GSE1: variants seen among roughly 807,000 people sequenced by gnomAD.
GSE1 encodes Gse1 coiled-coil protein.
In GSE1, 32 loss-of-function variants were observed where a neutral mutation model predicts 112.6. That is an observed-to-expected ratio of 0.28 (90% confidence interval 0.21 to 0.38). The LOEUF is 0.38. GSE1 is among the 10% of genes least tolerant of loss of function. The pLI, the probability that GSE1 is intolerant of heterozygous loss-of-function variation, is 1.00. For missense variants in GSE1, 2,348 were observed against 1,699.2 expected, an observed-to-expected ratio of 1.38 and a Z score of -6.71; for synonymous variants, 1,115 against 735.6, an observed-to-expected ratio of 1.52 and a Z score of -8.35.
intron 9 of GSE1, 28 bp downstream of exon 9, chr16:85,661,793 C>A: frequency 6.8e-7 from 1 of 1,474,638 alleles, no homozygotes; most frequent in Non-Finnish European, 9.0e-7. Flanking sequence ...CCCCGAGCTG[C>A]TCAGGGAGAG....
chr16:85,489,742 C>G (rs1213114273), intron 2 of GSE1: 2 of 152,326 alleles, frequency 1.3e-5, no homozygotes, highest in Non-Finnish European at 2.9e-5. Flanking sequence ...CTGCCCAGAA[C>G]CTCAGAACGT....
rs11642039 is a variant in GSE1 at position 85,337,818 on chromosome 16, C to T, written c.2284-19645C>T. Among the ~76,000 whole-genome samples the T allele has an allele frequency of 6.5e-3, 985 of 152,380 alleles. 5 individuals carry two copies. The highest frequency in any genetic ancestry group is 0.02 in the Middle Eastern group (6 of 294). ...GCGTCTGAAATGGAAGCGTCAGCCTCTGCAGTTTTCACTGCATGCGGCGCC... is the reference window on the plus strand; with the variant it reads ...GCGTCTGAAATGGAAGCGTCAGCCTTTGCAGTTTTCACTGCATGCGGCGCC... On this transcript the variant is annotated intron_variant, in intron 1 of 2. Coordinates refer to the GSE1 transcript ENST00000637419.
intron 1 of GSE1, among the ~76,000 whole-genome samples, chr16:85,305,476 T>G (rs111613587): frequency 0.8 from 121,761 of 151,540 alleles, 49,039 homozygotes; most frequent in South Asian, 0.93. Context: ...GTTTTTTTTT[T>G]TTTGTTTGTT....
At chr16:85,362,148 C>T (rs958367277) in intron 2 of GSE1, among the ~76,000 whole-genome samples, 14 of 152,234 alleles carry the variant, frequency 9.2e-5, no homozygotes, top group East Asian at 3.9e-4. Flanking sequence ...AAGGCCCAAA[C>T]GGACTGACCA....
chr16:85,481,568 T>A (rs1269879056), intron 2 of GSE1, among the ~76,000 whole-genome samples: 4 of 152,208 alleles, frequency 2.6e-5, no homozygotes, highest in Non-Finnish European at 4.4e-5. Flanking sequence ...TTGGCTGGAA[T>A]CTTCTGTCCT....
intron 1 of GSE1, among the ~76,000 whole-genome samples, chr16:85,337,357 G>C (rs1329909237): frequency 6.7e-6 from 1 of 148,624 alleles, no homozygotes; most frequent in Non-Finnish European, 1.5e-5. Context: ...CCAGGCTGGA[G>C]TGCAGTGGCG....
At chr16:85,525,413 TG>T (rs1443308301) in intron 2 of GSE1, among the ~76,000 whole-genome samples, 2 of 152,200 alleles carry the variant, frequency 1.3e-5, no homozygotes, top group African/African-American at 4.8e-5. Context: ...TCCCCAGCGT[TG>T]GGGAAATCCA....
intron 13 of GSE1, 47 bp downstream of exon 13, chr16:85,666,394 C>G (rs1567761669): frequency 6.2e-7 from 1 of 1,607,054 alleles, no homozygotes; most frequent in Non-Finnish European, 8.5e-7. Context: ...GTGGTTGAGG[C>G]TGACCAAAGT....
chr16:85,610,341 G>A (rs868050060), upstream of GSE1, among the ~76,000 whole-genome samples: 4 of 152,222 alleles, frequency 2.6e-5, no homozygotes, highest in African/African-American at 7.2e-5. Context: ...AAAGAGAGCT[G>A]TGCCCAGGAA....
chr16:85,277,819 A>G (rs1222981553), intron 1 of GSE1, among the ~76,000 whole-genome samples: 1 of 152,274 alleles, frequency 6.6e-6, no homozygotes, highest in African/African-American at 2.4e-5. Context: ...TGTGCCATCC[A>G]TGCCTGTGGC....
chr16:85,461,649 C>T (rs1398785115), intron 2 of GSE1, among the ~76,000 whole-genome samples: 2 of 152,150 alleles, frequency 1.3e-5, no homozygotes, highest in African/African-American at 4.8e-5. Flanking sequence ...CAAATGAAAG[C>T]CCCCACCCCT....
intron 1 of GSE1, among the ~76,000 whole-genome samples, chr16:85,222,112 T>A (rs2075404465): frequency 6.6e-6 from 1 of 152,048 alleles, no homozygotes; most frequent in South Asian, 2.1e-4. Flanking sequence ...GGGCCACATC[T>A]ATTCCACGAG....
At chr16:85,647,010 C>T (rs35697120) in intron 2 of GSE1, among the ~76,000 whole-genome samples, 3 of 152,202 alleles carry the variant, frequency 2.0e-5, no homozygotes, top group African/African-American at 7.2e-5. Context: ...TGGTCCCCTT[C>T]TGACCTGGGC....
chr16:85,451,059 A>G (rs2049664478), intron 2 of GSE1, among the ~76,000 whole-genome samples: 1 of 138,730 alleles, frequency 7.2e-6, no homozygotes, highest in Non-Finnish European at 1.5e-5. Flanking sequence ...GGGTGACAAG[A>G]GCAAAACGCC....
At chr16:85,215,584 C>T (rs2075294771) in intron 1 of GSE1, among the ~76,000 whole-genome samples, 1 of 152,118 alleles carries the variant, frequency 6.6e-6, no homozygotes, top group Non-Finnish European at 1.5e-5. Context: ...TAATATCTGC[C>T]TTATAGAGCT....
chr16:85,620,727 G>A (rs796427337), intron 1 of GSE1, among the ~76,000 whole-genome samples: 1 of 152,284 alleles, frequency 6.6e-6, no homozygotes, highest in African/African-American at 2.4e-5. Context: ...CGTTTAGATG[G>A]TCTCAGCCTT....
intron 1 of GSE1, among the ~76,000 whole-genome samples, chr16:85,331,035 A>T (rs1349526043): frequency 6.6e-6 from 1 of 152,150 alleles, no homozygotes; most frequent in Non-Finnish European, 1.5e-5. Flanking sequence ...ATGTTGCTTT[A>T]GGCTGGGCAC....
chr16:85,184,324 C>T (rs181712717), intron 1 of GSE1, among the ~76,000 whole-genome samples: 2 of 152,196 alleles, frequency 1.3e-5, no homozygotes, highest in Non-Finnish European at 2.9e-5. Flanking sequence ...CTCTACTCCC[C>T]CTTCCCCTGC....
chr16:85,326,321 G>GTCTGTGCCTCAGTGAAC (rs2046227840), intron 1 of GSE1, among the ~76,000 whole-genome samples: 1 of 152,200 alleles, frequency 6.6e-6, no homozygotes, highest in African/African-American at 2.4e-5. Flanking sequence ...TAATTAACAT[G>GTCTGTGCCTCAGTGAAC]TCTGTGCCTC....
Sources: gnomAD v4.1 joint callset for allele counts (sites outside exome capture counted in the v4.1 genomes callset) on GRCh38, gnomAD v4.1.1 for gene constraint, MANE v1.5 for transcripts, NCBI Gene and HGNC (gene_info 2026-07-23, HGNC 2026-07-21) for gene names.